Variants in TTL observed in about 807,000 individuals in gnomAD.
The protein encoded by TTL is tubulin--tyrosine ligase.
A neutral mutation model predicts 41.1 loss-of-function variants in TTL; 10 were observed. The observed-to-expected ratio is 0.24, with a 90% CI of 0.15 to 0.41. The LOEUF (loss-of-function observed/expected upper bound fraction) is 0.41. Ranked by LOEUF, TTL falls within the 10% of genes least tolerant of loss-of-function variation. The pLI is 1.00. For missense variants in TTL, 367 were observed against 460.4 expected, an observed-to-expected ratio of 0.80 and a Z score of 1.86; for synonymous variants, 175 against 175.5, an observed-to-expected ratio of 1.00 and a Z score of 0.02.
chr2:112,528,258 TGTG>T (rs1682414010), intron 6 of TTL, among the ~76,000 whole-genome samples: 2 of 152,082 alleles, frequency 1.3e-5, no homozygotes, highest in South Asian at 4.1e-4. Flanking sequence ...GTTTTAGAAA[TGTG>T]GTCATGATAT....
At chr2:112,520,448 T>G in intron 6 of TTL, 23 bp downstream of exon 6, 1 of 1,608,998 alleles carries the variant, frequency 6.2e-7, no homozygotes, top group Non-Finnish European at 8.5e-7. Flanking sequence ...GTCATTGTGT[T>G]TTTACAAGTG....
At chr2:112,511,841 G>C (rs1681928296) in intron 5 of TTL, among the ~76,000 whole-genome samples, 1 of 152,026 alleles carries the variant, frequency 6.6e-6, no homozygotes, top group Admixed American at 6.6e-5. Flanking sequence ...AGAGTGCTAG[G>C]ATTACAGGCG....
At chr2:112,517,408 G>C (rs1682099278) in intron 5 of TTL, among the ~76,000 whole-genome samples, 1 of 151,360 alleles carries the variant, frequency 6.6e-6, no homozygotes, top group African/African-American at 2.4e-5. Context: ...CCACCACTCA[G>C]TGCTAATTTT....
chr2:112,491,582 C>G (rs1336776138), intron 2 of TTL, among the ~76,000 whole-genome samples: 1 of 152,130 alleles, frequency 6.6e-6, no homozygotes, highest in African/African-American at 2.4e-5. Context: ...ACATTTGCAT[C>G]TAAAATGGTT....
At chr2:112,512,743 G>C (rs573151901) in intron 5 of TTL, among the ~76,000 whole-genome samples, 101 of 152,210 alleles carry the variant, frequency 6.6e-4, no homozygotes, top group Non-Finnish European at 1.1e-3. Context: ...TCATTTAATT[G>C]GTGTGTTTAT....
chr2:112,532,726 G>A lies in TTL; in HGVS notation c.*3931G>A. ...AAATCTGCTAGGCTTTGCAAACCAT[G>A]TAGGGCCTTTTTTGCATACTTTTTG... On this transcript the variant is annotated 3_prime_UTR_variant, in exon 7 of 7. Coordinates refer to ENST00000233336, the MANE Select transcript of TTL (RefSeq NM_153712.5). 1 of 157,540 alleles carries A rather than the reference G, an allele frequency of 6.3e-6. No individual in the cohort carries two copies. The highest frequency in any genetic ancestry group is 1.3e-5 in the Non-Finnish European group (1 of 74,208). The allele number at this position is 157,540 out of a possible 1,614,324, so 9.8% of individuals were successfully genotyped here. A position where few individuals can be genotyped will look rare whatever the true frequency, so the allele number is the denominator to read the frequency against.
At chr2:112,492,813 C>G (rs6717983) in intron 2 of TTL, among the ~76,000 whole-genome samples, 1 of 152,126 alleles carries the variant, frequency 6.6e-6, no homozygotes, top group African/African-American at 2.4e-5. Flanking sequence ...ACGTTTTCAA[C>G]CCGGGAGGTA....
intron 5 of TTL, among the ~76,000 whole-genome samples, chr2:112,515,106 A>G (rs1682031045): frequency 6.6e-6 from 1 of 152,100 alleles, no homozygotes; most frequent in South Asian, 2.1e-4. Flanking sequence ...TGTCTTATGA[A>G]ATTCTCCCAC....
At chr2:112,513,586 CAAGTATAAATATTTATACAAGTAT>C (rs1681983798) in intron 5 of TTL, among the ~76,000 whole-genome samples, 4 of 147,878 alleles carry the variant, frequency 2.7e-5, no homozygotes, top group South Asian at 4.2e-4. Context: ...AATATTTATA[CAAGTATAAATATTTATACAAGTAT>C]AAGTATAAAT....
chr2:112,483,937 G>A (rs1255620975), intron 1 of TTL: 1 of 152,160 alleles, frequency 6.6e-6, no homozygotes, highest in African/African-American at 2.4e-5. Context: ...TGAAAGGAGA[G>A]GAAGAATTGC....
At position 112,533,927 on chromosome 2, in the gene TTL, T is replaced by A. The variant is rs1168721929; in HGVS notation, c.*5132T>A. 7 of 152,204 alleles carry A rather than the reference T, an allele frequency of 4.6e-5. No individual in the cohort carries two copies. The highest frequency in any genetic ancestry group is 7.3e-5 in the Non-Finnish European group (5 of 68,040). 9.4% of individuals were successfully genotyped at this position (152,204 alleles called of 1,614,324 possible). A position where few individuals can be genotyped will look rare whatever the true frequency, so the allele number is the denominator to read the frequency against. ...CAAGCATAATTCCTTTCAAAAATTATGAGAGGACATCAGTGGGCATAATAG... is the reference window on the plus strand; with the variant it reads ...CAAGCATAATTCCTTTCAAAAATTAAGAGAGGACATCAGTGGGCATAATAG... On this transcript the variant is annotated 3_prime_UTR_variant, in exon 7 of 7. Coordinates refer to ENST00000233336, the MANE Select transcript of TTL (RefSeq NM_153712.5).
In TTL at chr2:112,529,943, C is replaced by T. The variant is rs567698836; in HGVS notation, c.*1148C>T. The stretch of plus-strand genomic sequence containing the variant: ...AATGTGTACTGTTAGAAGTGGCTTC[C>T]GCTTACTGGATTAACTAATACTTTA... On this transcript the variant is annotated 3_prime_UTR_variant, in exon 7 of 7. Transcript: ENST00000233336. 2.2e-5 allele frequency: 5 copies of T among 225,970 alleles called. No individual in the cohort carries two copies. Among genetic ancestry groups the T allele is most frequent in the Admixed American group, 1.1e-4 (2 of 17,496 alleles). 14.0% of individuals were successfully genotyped at this position (225,970 alleles called of 1,614,324 possible). A position where few individuals can be genotyped will look rare whatever the true frequency, so the allele number is the denominator to read the frequency against.
chr2:112,503,712 T>C (rs536790650), intron 5 of TTL, among the ~76,000 whole-genome samples: 4 of 149,826 alleles, frequency 2.7e-5, no homozygotes, highest in Non-Finnish European at 5.9e-5. Context: ...GATTCAAAAT[T>C]TTAAGCTTAT....
intron 2 of TTL, among the ~76,000 whole-genome samples, chr2:112,490,843 C>T (rs1378448391): frequency 6.6e-6 from 1 of 151,842 alleles, no homozygotes; most frequent in African/African-American, 2.4e-5. Flanking sequence ...AAACTGCTGG[C>T]ATTACAGGAG....
chr2:112,522,714 C>G (rs1559020180), intron 6 of TTL: 1 of 153,452 alleles, frequency 6.5e-6, no homozygotes, highest in African/African-American at 2.4e-5. Context: ...GTCACCACCC[C>G]CTGCTCCCCC....
intron 6 of TTL, among the ~76,000 whole-genome samples, chr2:112,523,574 T>C (rs1682298466): frequency 6.6e-6 from 1 of 152,088 alleles, no homozygotes; most frequent in African/African-American, 2.4e-5. Flanking sequence ...TCAATTATGC[T>C]GAGTTGGTCC....
intron 5 of TTL, 52 bp from the exon 6 acceptor site, chr2:112,520,230 C>T: frequency 6.2e-7 from 1 of 1,601,344 alleles, no homozygotes; most frequent in African/African-American, 1.3e-5. Context: ...TCATGTCTTC[C>T]TTCTCCTTTG....
In TTL at chr2:112,482,512, C is replaced by A. The variant is rs1419691584; in HGVS notation, c.157+11C>A. 2 of 1,590,004 alleles carry A rather than the reference C, an allele frequency of 1.3e-6. No homozygotes were observed. Among genetic ancestry groups the A allele is most frequent in the Non-Finnish European group, 1.7e-6 (2 of 1,167,402 alleles). ...CCTTCGGGAGACTGGGTGAGCCCCT[C>A]CCCGATTCCCGTCTGCCCTCCTCGG... On this transcript the variant is annotated intron_variant, in intron 1 of 6. Transcript: ENST00000233336. The surrounding 1 kb of genome is among the most constrained non-coding windows in gnomAD (Gnocchi z 5.3).
intron 2 of TTL, among the ~76,000 whole-genome samples, chr2:112,487,628 C>A (rs1018310956): frequency 6.6e-6 from 1 of 152,176 alleles, no homozygotes; most frequent in African/African-American, 2.4e-5. Context: ...GAGCACCACT[C>A]AGAATCCCCG....
Sources: gnomAD v4.1 joint callset for allele counts (sites outside exome capture counted in the v4.1 genomes callset) on GRCh38, gnomAD v4.1.1 for gene constraint, Gnocchi (gnomAD v3.1) non-coding constraint, MANE v1.5 for transcripts, NCBI Gene and HGNC (gene_info 2026-07-23, HGNC 2026-07-21) for gene names.